Variants in TRNT1 observed in about 807,000 individuals in gnomAD.
TRNT1 encodes the protein tRNA nucleotidyl transferase 1, also known as CCA tRNA nucleotidyltransferase 1, mitochondrial.
TRNT1 carries 44 observed loss-of-function variants against 45.6 expected under a neutral mutation model. The ratio of observed to expected loss-of-function variants is 0.97; its 90% CI spans 0.76 to 1.24. The LOEUF is 1.24. Among genes scored for constraint, TRNT1 ranks in the 50% most tolerant of loss-of-function variants. The pLI is 0.00. For synonymous variants in TRNT1, 201 were observed against 171.4 expected (o/e 1.17, Z -1.35); for missense variants, 633 against 504.4 (o/e 1.25, Z -2.44).
intron 1 of TRNT1, among the ~76,000 whole-genome samples, chr3:3,128,394 C>T (rs112763100): frequency 6.6e-6 from 1 of 151,816 alleles, no homozygotes. Context: ...GTCAGGAGTT[C>T]GAGAGCAGTC....
At position 3,141,040 on chromosome 3, in the gene TRNT1, C is replaced by G. The variant is rs145926852; in HGVS notation, c.481+392C>G. 3.9e-3 allele frequency among the ~76,000 whole-genome samples: 593 copies of G among 152,240 alleles called. 3 individuals carry two copies. Among genetic ancestry groups the G allele is most frequent in the East Asian group, 0.022 (116 of 5,180 alleles). On this transcript the variant is annotated intron_variant, in intron 4 of 7. Transcript: ENST00000251607. ...TGAGCTGAGATTGTGCCACTGCACTCCAGTCTGGGCAACAGAGCGAGACTC... is the reference window on the plus strand; with the variant it reads ...TGAGCTGAGATTGTGCCACTGCACTGCAGTCTGGGCAACAGAGCGAGACTC...
At chr3:3,149,174 C>T (rs1484365951), downstream of TRNT1, 3 of 152,004 alleles carry the variant, frequency 2.0e-5, no homozygotes, top group Non-Finnish European at 4.4e-5. Flanking sequence ...TGTAATATTT[C>T]TAAGAGGAAA....
At chr3:3,141,486 T>C (rs1438394242) in intron 4 of TRNT1, among the ~76,000 whole-genome samples, 1 of 152,232 alleles carries the variant, frequency 6.6e-6, no homozygotes, top group African/African-American at 2.4e-5. Context: ...CCTCAGATTC[T>C]TTTTTAGCAT....
chr3:3,140,420 C>T, intron 3 of TRNT1, 90 bp from the exon 4 acceptor site: 1 of 1,369,816 alleles, frequency 7.3e-7, no homozygotes. Flanking sequence ...AGTACCATCC[C>T]TTTATAAAGA....
In TRNT1 at chr3:3,138,231, G is replaced by T. The variant is rs114838702; in HGVS notation, c.342+778G>T. On this transcript the variant is annotated intron_variant, in intron 3 of 7. Coordinates refer to ENST00000251607, the MANE Select transcript of TRNT1 (RefSeq NM_182916.3). ...TCCAAAACCTGAGGAAGCCTTACAC[G>T]TCTGAAAATGTTTTTATTTCACCTC... 4.1e-3 allele frequency among the ~76,000 whole-genome samples: 626 copies of T among 152,192 alleles called. 4 individuals are homozygous for T. The highest frequency in any genetic ancestry group is 5.6e-3 in the Non-Finnish European group (379 of 68,002).
chr3:3,128,921 T>C, intron 1 of TRNT1, 93 bp from the exon 2 acceptor site: 1 of 965,972 alleles, frequency 1.0e-6, no homozygotes. Context: ...GATGAATTTC[T>C]GAGTTGATAA....
At chr3:3,151,505 T>C (rs201564920), downstream of TRNT1, among the ~76,000 whole-genome samples, 1 of 84,174 alleles carries the variant, frequency 1.2e-5, no homozygotes. Flanking sequence ...AATATTTATA[T>C]TCTAAAATAA....
At chr3:3,150,671 A>G, downstream of TRNT1, 1 of 561,638 alleles carries the variant, frequency 1.8e-6, no homozygotes, top group East Asian at 3.2e-5. Flanking sequence ...ACTGCCGTTC[A>G]TGCTTGTTTC....
chr3:3,136,658 CTTTT>C (rs56033417), intron 2 of TRNT1: 39 of 390,028 alleles, frequency 1.0e-4, no homozygotes, highest in Middle Eastern at 8.9e-4. Context: ...CTTTTTTTTT[CTTTT>C]TTTTTTTTTT....
intron 5 of TRNT1, 72 bp downstream of exon 5, chr3:3,144,782 C>A (rs1007248062): frequency 1.5e-6 from 2 of 1,372,280 alleles, no homozygotes; most frequent in Non-Finnish European, 1.9e-6. Context: ...TCATACGAAA[C>A]CCACAGCAGG....
chr3:3,141,420 C>T (rs1273773588), intron 4 of TRNT1, among the ~76,000 whole-genome samples: 3 of 152,156 alleles, frequency 2.0e-5, no homozygotes, highest in Admixed American at 6.5e-5. Flanking sequence ...CTTCTGCTTC[C>T]CTGGCAAACA....
At chr3:3,147,039 T>C (rs186806280) in intron 6 of TRNT1, among the ~76,000 whole-genome samples, 1 of 152,222 alleles carries the variant, frequency 6.6e-6, no homozygotes, top group South Asian at 2.1e-4. Flanking sequence ...GTAATTCATT[T>C]TCACAGAGAA....
chr3:3,153,402 A>T (rs533854593), downstream of TRNT1: 2 of 1,315,086 alleles, frequency 1.5e-6, no homozygotes, highest in South Asian at 2.4e-5. Context: ...CAAGTATATT[A>T]AAAACGTAAT....
At chr3:3,150,136 A>T (rs1201483528), downstream of TRNT1, 3 of 152,144 alleles carry the variant, frequency 2.0e-5, no homozygotes, top group Non-Finnish European at 4.4e-5. Context: ...CTATAGTAGT[A>T]GTTTTGGTTC....
At chr3:3,150,945 A>C (rs1706494771), downstream of TRNT1, 1 of 1,613,958 alleles carries the variant, frequency 6.2e-7, no homozygotes, top group African/African-American at 1.3e-5. Flanking sequence ...GATCGCGTTA[A>C]GCCCCAAAAT....
At chr3:3,139,304 C>G (rs1705500257) in intron 3 of TRNT1, among the ~76,000 whole-genome samples, 1 of 152,158 alleles carries the variant, frequency 6.6e-6, no homozygotes, top group African/African-American at 2.4e-5. Flanking sequence ...TTCAGAGATA[C>G]TTGTGCCTCA....
chr3:3,132,758 CACT>C (rs1291112995), intron 2 of TRNT1, among the ~76,000 whole-genome samples: 1 of 88,848 alleles, frequency 1.1e-5, no homozygotes, highest in Non-Finnish European at 2.3e-5. Flanking sequence ...AAAAAAAAAA[CACT>C]GGATTTTCTC....
chr3:3,141,097 C>T (rs947689941), intron 4 of TRNT1, among the ~76,000 whole-genome samples: 1 of 150,558 alleles, frequency 6.6e-6, no homozygotes, highest in Admixed American at 6.6e-5. Context: ...ACTCTGGAGC[C>T]AAAATCCCTG....
intron 2 of TRNT1, among the ~76,000 whole-genome samples, chr3:3,133,763 T>TG (rs2126011206): frequency 6.6e-6 from 1 of 152,170 alleles, no homozygotes; most frequent in South Asian, 2.1e-4. Flanking sequence ...TAGGGACAAC[T>TG]GATCACTCTC....
Sources: gnomAD v4.1 joint callset for allele counts (sites outside exome capture counted in the v4.1 genomes callset) on GRCh38, gnomAD v4.1.1 for gene constraint, MANE v1.5 for transcripts, NCBI Gene and HGNC (gene_info 2026-07-23, HGNC 2026-07-21) for gene names.